HS3ST4: variants seen among roughly 807,000 people sequenced by gnomAD.
HS3ST4 encodes the protein heparan sulfate-glucosamine 3-sulfotransferase 4.
HS3ST4 carries 17 observed loss-of-function variants against 29.2 expected under a neutral mutation model. The observed-to-expected ratio is 0.58, with a 90% confidence interval of 0.40 to 0.87. The LOEUF is 0.87. Among genes scored for constraint, HS3ST4 ranks in the 40% least tolerant of loss-of-function variants. The pLI, the probability that HS3ST4 is intolerant of heterozygous loss-of-function variation, is 0.00. For missense variants in HS3ST4, 627 were observed against 634.5 expected, an observed-to-expected ratio of 0.99 and a Z score of 0.13; for synonymous variants, 314 against 285.7, an observed-to-expected ratio of 1.10 and a Z score of -1.00.
At chr16:25,798,737 T>C (rs1966904539) in intron 1 of HS3ST4, among the ~76,000 whole-genome samples, 1 of 152,144 alleles carries the variant, frequency 6.6e-6, no homozygotes, top group South Asian at 2.1e-4. Context: ...GCACTGGCAG[T>C]TGGGAGCATT....
intron 1 of HS3ST4, among the ~76,000 whole-genome samples, chr16:25,856,053 T>A (rs1248836257): frequency 6.6e-6 from 1 of 152,052 alleles, no homozygotes; most frequent in East Asian, 1.9e-4. Context: ...ATAGGTCTGT[T>A]CTCTCCAATT....
intron 1 of HS3ST4, among the ~76,000 whole-genome samples, chr16:25,844,307 A>G (rs955335359): frequency 1.3e-5 from 2 of 152,204 alleles, no homozygotes; most frequent in African/African-American, 4.8e-5. Flanking sequence ...GGGATCATGC[A>G]TTCATTCAAC....
intron 1 of HS3ST4, among the ~76,000 whole-genome samples, chr16:26,130,609 G>A (rs993918710): frequency 3.9e-5 from 6 of 152,170 alleles, no homozygotes; most frequent in African/African-American, 1.4e-4. Context: ...GCCCTGTAAC[G>A]CAGGTAGTTA....
chr16:25,800,169 T>G (rs1434638518), intron 1 of HS3ST4, among the ~76,000 whole-genome samples: 1 of 152,074 alleles, frequency 6.6e-6, no homozygotes, highest in African/African-American at 2.4e-5. Context: ...ATTGGTTTTA[T>G]TATTTTTCTT....
chr16:26,031,360 G>T, intron 1 of HS3ST4, among the ~76,000 whole-genome samples: 1 of 152,182 alleles, frequency 6.6e-6, no homozygotes, highest in South Asian at 2.1e-4. Flanking sequence ...TCACCCTCCT[G>T]TGGGCCGGGA....
chr16:25,877,730 G>C (rs1967847557), intron 1 of HS3ST4, among the ~76,000 whole-genome samples: 1 of 101,138 alleles, frequency 9.9e-6, no homozygotes, highest in Admixed American at 1.0e-4. Flanking sequence ...AAGCCACCCA[G>C]TTTGTGGTTT....
intron 1 of HS3ST4, among the ~76,000 whole-genome samples, chr16:25,885,503 G>T (rs34935475): frequency 0.1 from 15,397 of 151,960 alleles, 937 homozygotes; most frequent in African/African-American, 0.16. Context: ...ACCAAACACT[G>T]CATATATTGA....
chr16:25,856,027 G>A (rs559691816), intron 1 of HS3ST4, among the ~76,000 whole-genome samples: 71 of 152,096 alleles, frequency 4.7e-4, no homozygotes, highest in African/African-American at 1.5e-3. Context: ...GCATACCTGG[G>A]TGTTTTCCAC....
In HS3ST4 at chr16:25,692,184, C is replaced by G. The variant is rs1197398816; in HGVS notation, c.-234C>G. 2.0e-5 allele frequency: 3 copies of G among 148,776 alleles called. No homozygotes were observed. The highest frequency in any genetic ancestry group is 4.5e-5 in the Non-Finnish European group (3 of 66,534). 9.2% of individuals were successfully genotyped at this position (148,776 alleles called of 1,614,324 possible). On this transcript the variant is annotated 5_prime_UTR_variant, in exon 1 of 2. Transcript: ENST00000331351. ...GGGGGGCGGTGGTGGGGGGGCCACC[C>G]GGACTCGGCGGGCAGCGTGGGGCGG...
At chr16:25,742,154 G>T (rs1308651258) in intron 1 of HS3ST4, among the ~76,000 whole-genome samples, 1 of 152,170 alleles carries the variant, frequency 6.6e-6, no homozygotes, top group Admixed American at 6.5e-5. Context: ...TGCTGGCTTT[G>T]AGTGTGCAAA....
At chr16:26,089,142 CT>C (rs1313192560) in intron 1 of HS3ST4, among the ~76,000 whole-genome samples, 1 of 152,196 alleles carries the variant, frequency 6.6e-6, no homozygotes, top group East Asian at 1.9e-4. Context: ...CGTGGTAGTC[CT>C]GGTCCCACTG....
At chr16:25,761,047 A>G (rs1966785856) in intron 1 of HS3ST4, among the ~76,000 whole-genome samples, 1 of 152,188 alleles carries the variant, frequency 6.6e-6, no homozygotes, top group Admixed American at 6.5e-5. Flanking sequence ...GGGTGAATGC[A>G]TGCATGGAGA....
intron 1 of HS3ST4, among the ~76,000 whole-genome samples, chr16:25,864,944 A>G (rs1282512480): frequency 9.6e-6 from 1 of 103,914 alleles, no homozygotes; most frequent in Non-Finnish European, 2.0e-5. Flanking sequence ...ATATACACAC[A>G]CATATATATA....
intron 1 of HS3ST4, among the ~76,000 whole-genome samples, chr16:25,857,486 C>T (rs192665582): frequency 1.2e-4 from 19 of 152,238 alleles, no homozygotes; most frequent in Non-Finnish European, 2.6e-4. Flanking sequence ...TTCTTTTATA[C>T]ACTTCTGCGT....
chr16:26,083,063 G>A (rs1479344765), intron 1 of HS3ST4, among the ~76,000 whole-genome samples: 2 of 152,190 alleles, frequency 1.3e-5, no homozygotes, highest in Non-Finnish European at 2.9e-5. Context: ...CAAGGCCAAG[G>A]TGCCATGTCA....
chr16:26,019,627 G>A (rs4787803), intron 1 of HS3ST4, among the ~76,000 whole-genome samples: 6 of 152,218 alleles, frequency 3.9e-5, no homozygotes, highest in East Asian at 3.9e-4. Context: ...CGGCGGGTCC[G>A]TCTGGCTCCT....
At chr16:25,713,930 C>T (rs574856183) in intron 1 of HS3ST4, among the ~76,000 whole-genome samples, 192 of 152,242 alleles carry the variant, frequency 1.3e-3, no homozygotes, top group Non-Finnish European at 2.0e-3. Context: ...TCTCTTCCTC[C>T]CAAGCTGCTA....
At chr16:25,720,853 T>C (rs556493751) in intron 1 of HS3ST4, among the ~76,000 whole-genome samples, 26 of 152,318 alleles carry the variant, frequency 1.7e-4, no homozygotes, top group South Asian at 1.7e-3. Flanking sequence ...GGACATGAGA[T>C]GCCCATTAGA....
chr16:26,090,875 T>C (rs7201847), intron 1 of HS3ST4, among the ~76,000 whole-genome samples: 81,855 of 151,592 alleles, frequency 0.54, 22,804 homozygotes, highest in African/African-American at 0.67. Context: ...AAGAAGCCCA[T>C]AGTGGGAGAA....
Sources: gnomAD v4.1 joint callset for allele counts (sites outside exome capture counted in the v4.1 genomes callset) on GRCh38, gnomAD v4.1.1 for gene constraint, MANE v1.5 for transcripts, NCBI Gene and HGNC (gene_info 2026-07-23, HGNC 2026-07-21) for gene names.